Variants in ZRANB3 observed in about 807,000 individuals in gnomAD.
The protein encoded by ZRANB3 is zinc finger RANBP2-type containing 3, also known as DNA annealing helicase and endonuclease ZRANB3.
A neutral mutation model predicts 133.8 loss-of-function variants in ZRANB3; 125 were observed. That is an observed-to-expected ratio of 0.93 (90% CI 0.81 to 1.08). The LOEUF (loss-of-function observed/expected upper bound fraction) is 1.08. Among genes scored for constraint, ZRANB3 ranks in the 50% least tolerant of loss-of-function variants. The probability of loss-of-function intolerance (pLI) is 0.00; values close to 1 mark genes in which losing one functional copy is unlikely to be tolerated. For synonymous variants in ZRANB3, 387 were observed against 432.7 expected, an observed-to-expected ratio of 0.89 and a Z score of 1.31; for missense variants, 1,229 against 1,275.5, an observed-to-expected ratio of 0.96 and a Z score of 0.56.
At chr2:135,327,235 A>G (rs904615085) in intron 6 of ZRANB3, among the ~76,000 whole-genome samples, 1 of 152,226 alleles carries the variant, frequency 6.6e-6, no homozygotes, top group African/African-American at 2.4e-5. Flanking sequence ...GAATGGCCCA[A>G]GGAAATTCAG....
chr2:135,430,901 C>T (rs748299641), intron 2 of ZRANB3, among the ~76,000 whole-genome samples: 18 of 152,070 alleles, frequency 1.2e-4, no homozygotes, highest in Non-Finnish European at 2.5e-4. Flanking sequence ...ACTGATACCT[C>T]ATACCATATA....
chr2:135,254,745 G>A (rs905460430), intron 12 of ZRANB3, among the ~76,000 whole-genome samples: 10 of 151,828 alleles, frequency 6.6e-5, no homozygotes, highest in African/African-American at 2.4e-4. Context: ...TTTAATTGTA[G>A]AACATTTTCT....
In ZRANB3 at chr2:135,217,561, T is replaced by C; in HGVS notation, c.2399A>G (p.Gln800Arg). 6.2e-7 allele frequency: 1 copy of C among 1,613,892 alleles called. No homozygotes were observed. The highest frequency in any genetic ancestry group is 1.1e-5 in the South Asian group (1 of 91,036). Residue 800 changes from glutamine (Q) to arginine (R), a missense_variant, in exon 17 of 21, where the codon CAA becomes CGA. Transcript: ENST00000264159. ...REWSSLTAMK[Q>R]RIIRKSGQLF... ...CTGTCCACTTTTCCTGATTATCCTT[T>C]GCTTCATGGCAGTTAGACTACTCCA... is the stretch of plus-strand genomic sequence containing the variant.
At chr2:135,359,259 A>C (rs1399409972) in intron 3 of ZRANB3, among the ~76,000 whole-genome samples, 2 of 152,180 alleles carry the variant, frequency 1.3e-5, no homozygotes. Context: ...AAAACATCTC[A>C]GGATTTGATC....
intron 12 of ZRANB3, among the ~76,000 whole-genome samples, chr2:135,258,715 T>G (rs1382324354): frequency 6.6e-6 from 1 of 152,184 alleles, no homozygotes; most frequent in Non-Finnish European, 1.5e-5. Context: ...TACAAAGTGC[T>G]TTGAATTCCT....
chr2:135,459,581 A>G (rs552599519), intron 2 of ZRANB3, among the ~76,000 whole-genome samples: 1 of 152,322 alleles, frequency 6.6e-6, no homozygotes, highest in African/African-American at 2.4e-5. Flanking sequence ...TTTTAAAGCA[A>G]TTGTGTATCT....
At chr2:135,231,821 G>A (rs917822041) in intron 12 of ZRANB3, among the ~76,000 whole-genome samples, 1 of 151,970 alleles carries the variant, frequency 6.6e-6, no homozygotes, top group Admixed American at 6.6e-5. Context: ...GGGGGATGGA[G>A]CCAAGATGGC....
intron 12 of ZRANB3, among the ~76,000 whole-genome samples, chr2:135,247,836 G>C (rs1695870625): frequency 6.6e-6 from 1 of 152,162 alleles, no homozygotes; most frequent in Admixed American, 6.5e-5. Context: ...TCCAGCTTTG[G>C]AGAGTCCAAG....
intron 8 of ZRANB3, among the ~76,000 whole-genome samples, chr2:135,293,773 A>G (rs1211523003): frequency 6.6e-6 from 1 of 150,538 alleles, no homozygotes; most frequent in Non-Finnish European, 1.5e-5. Flanking sequence ...AAATCCCATC[A>G]ATACCTAATT....
chr2:135,513,836 T>G (rs535901394), intron 1 of ZRANB3, among the ~76,000 whole-genome samples: 13 of 152,340 alleles, frequency 8.5e-5, no homozygotes, highest in Non-Finnish European at 1.5e-4. Context: ...TTCAGTTTTC[T>G]GCATATGGCT....
chr2:135,265,426 C>A, intron 12 of ZRANB3, 108 bp downstream of exon 12: 1 of 1,239,894 alleles, frequency 8.1e-7, no homozygotes, highest in South Asian at 2.2e-5. Context: ...TGTGAAGTCT[C>A]CTTTCAACAC....
chr2:135,405,040 T>C (rs1209880126), intron 2 of ZRANB3, among the ~76,000 whole-genome samples: 10 of 151,844 alleles, frequency 6.6e-5, no homozygotes, highest in Non-Finnish European at 2.9e-5. Context: ...GGATAAAGAG[T>C]CAAGACCCAT....
intron 2 of ZRANB3, among the ~76,000 whole-genome samples, chr2:135,438,644 A>G (rs1164262713): frequency 2.0e-5 from 3 of 151,928 alleles, no homozygotes; most frequent in Non-Finnish European, 4.4e-5. Flanking sequence ...TCCCAATCCT[A>G]CTCCTGAAGA....
intron 8 of ZRANB3, among the ~76,000 whole-genome samples, chr2:135,278,620 A>C (rs1353082152): frequency 6.6e-6 from 1 of 152,216 alleles, no homozygotes; most frequent in Non-Finnish European, 1.5e-5. Context: ...ACAATGCTTA[A>C]TGTTTAAAGA....
At chr2:135,446,257 G>C (rs1027543013) in intron 2 of ZRANB3, among the ~76,000 whole-genome samples, 1 of 151,836 alleles carries the variant, frequency 6.6e-6, no homozygotes, top group African/African-American at 2.4e-5. Context: ...CAGACGGATA[G>C]TTCATCCAGG....
At chr2:135,237,447 A>G (rs1169419014) in intron 12 of ZRANB3, among the ~76,000 whole-genome samples, 1 of 152,004 alleles carries the variant, frequency 6.6e-6, no homozygotes, top group Non-Finnish European at 1.5e-5. Context: ...CTGGGTATAT[A>G]CCCAAAGGAT....
At chr2:135,401,338 C>T (rs1687720580) in intron 2 of ZRANB3, among the ~76,000 whole-genome samples, 2 of 152,114 alleles carry the variant, frequency 1.3e-5, no homozygotes, top group African/African-American at 4.8e-5. Flanking sequence ...CAATAACACC[C>T]CAAAGTTGAT....
chr2:135,256,546 T>A (rs1679663760), intron 12 of ZRANB3, among the ~76,000 whole-genome samples: 1 of 152,248 alleles, frequency 6.6e-6, no homozygotes. Context: ...CAGGCTGGCC[T>A]CGAACTCCCA....
At chr2:135,357,108 T>C (rs1685472930) in intron 3 of ZRANB3, among the ~76,000 whole-genome samples, 1 of 152,146 alleles carries the variant, frequency 6.6e-6, no homozygotes, top group Non-Finnish European at 1.5e-5. Context: ...ATGTTGTTGT[T>C]TTATATTTGA....
Sources: gnomAD v4.1 joint callset for allele counts (sites outside exome capture counted in the v4.1 genomes callset) on GRCh38, gnomAD v4.1.1 for gene constraint, MANE v1.5 for transcripts, NCBI Gene and HGNC (gene_info 2026-07-23, HGNC 2026-07-21) for gene names.